DMD: variants seen among roughly 807,000 people sequenced by gnomAD.
The protein encoded by DMD is mutant dystrophin.
DMD carries 63 observed loss-of-function variants against 330.1 expected under a neutral mutation model. The ratio of observed to expected loss-of-function variants is 0.19; its 90% CI spans 0.16 to 0.24. The LOEUF is 0.24. Ranked by LOEUF, DMD falls within the 10% of genes least tolerant of loss-of-function variation. DMD has a pLI of 1.00. For missense variants in DMD, 3,344 were observed against 2,684.1 expected, an observed-to-expected ratio of 1.25 and a Z score of -5.43; for synonymous variants, 1,223 against 959.8, an observed-to-expected ratio of 1.27 and a Z score of -5.07.
intron 9 of DMD, among the ~76,000 whole-genome samples, chrX:32,673,478 T>A (rs2061762415): frequency 8.9e-6 from 1 of 111,779 alleles, no homozygotes; most frequent in African/African-American, 3.2e-5. Flanking sequence ...AAGCCCTCTC[T>A]GCCTGTGGCT....
intron 2 of DMD, among the ~76,000 whole-genome samples, chrX:32,855,457 T>C (rs1374331466): frequency 8.9e-6 from 1 of 112,009 alleles, no homozygotes; most frequent in Admixed American, 9.4e-5. Flanking sequence ...GCTAATGGCA[T>C]AAAAACAGAC....
At chrX:31,393,434 G>A (rs1223548553) in intron 60 of DMD, among the ~76,000 whole-genome samples, 17 of 96,625 alleles carry the variant, frequency 1.8e-4, no homozygotes, top group African/African-American at 6.5e-4. Flanking sequence ...CCGAGATTGC[G>A]CCACTGCACT....
chrX:32,538,480 C>A (rs193225573), intron 17 of DMD, among the ~76,000 whole-genome samples: 124 of 110,669 alleles, frequency 1.1e-3, no homozygotes, highest in African/African-American at 3.9e-3. Flanking sequence ...ACCCCTATCT[C>A]CCTTCCGTGA....
At chrX:32,479,804 T>G (rs1207712745) in intron 21 of DMD, among the ~76,000 whole-genome samples, 2 of 110,442 alleles carry the variant, frequency 1.8e-5, no homozygotes, top group Non-Finnish European at 3.8e-5. Flanking sequence ...ATTTTCTTTA[T>G]CCATTCGTCC....
chrX:33,052,394 T>A (rs2094467675), intron 1 of DMD, among the ~76,000 whole-genome samples: 1 of 112,172 alleles, frequency 8.9e-6, no homozygotes, highest in Non-Finnish European at 1.9e-5. Flanking sequence ...GAATTAGCTA[T>A]TGATGCCAAG....
At chrX:31,869,659 C>A (rs966461168) in intron 48 of DMD, among the ~76,000 whole-genome samples, 1 of 108,952 alleles carries the variant, frequency 9.2e-6, no homozygotes, top group Non-Finnish European at 1.9e-5. Flanking sequence ...CCCACAATAT[C>A]TAAAGAAGCC....
intron 4 of DMD, among the ~76,000 whole-genome samples, 184 bp from the exon 5 acceptor site, chrX:32,823,571 C>T (rs1452339173): frequency 2.7e-5 from 3 of 111,697 alleles, no homozygotes; most frequent in Non-Finnish European, 5.7e-5. Flanking sequence ...CCATAACAAA[C>T]AAGCACCCCA....
At chrX:31,938,789 C>T (rs1376583138) in intron 45 of DMD, among the ~76,000 whole-genome samples, 1 of 112,120 alleles carries the variant, frequency 8.9e-6, no homozygotes, top group African/African-American at 3.2e-5. Context: ...TGAGCTACAC[C>T]ATGTAACCAC....
intron 1 of DMD, among the ~76,000 whole-genome samples, chrX:33,118,046 A>G (rs1481155712): frequency 9.0e-6 from 1 of 110,606 alleles, no homozygotes; most frequent in Non-Finnish European, 1.9e-5. Flanking sequence ...GCCAGAAGCT[A>G]TCTAATTTAC....
At chrX:31,767,066 G>A (rs2069847838) in intron 51 of DMD, among the ~76,000 whole-genome samples, 1 of 111,521 alleles carries the variant, frequency 9.0e-6, no homozygotes, top group African/African-American at 3.3e-5. Context: ...ATATAAATAT[G>A]GATCAGTCAT....
intron 54 of DMD, among the ~76,000 whole-genome samples, chrX:31,655,359 A>G (rs5927028): frequency 0.34 from 37,629 of 109,776 alleles, 4,922 homozygotes; most frequent in East Asian, 0.46. Context: ...CAGAGATGGA[A>G]GGGAATTTGC....
rs755061434 is a variant in DMD at position 31,478,140 on chromosome X, A to G, written c.8903T>C (p.Ile2968Thr). Residue 2968 changes from isoleucine to threonine, a missense_variant, in exon 59 of 79, where the codon ATT becomes ACT. Coordinates refer to ENST00000357033, the MANE Select transcript of DMD (RefSeq NM_004006.3). ...GSWQPVGDLL[I>T]DSLQDHLEKV... ...CTCGAGGTGATCTTGGAGAGAGTCAATGAGGAGATCGCCCACGGGCTGCCA... is the reference window on the plus strand; with the variant it reads ...CTCGAGGTGATCTTGGAGAGAGTCAGTGAGGAGATCGCCCACGGGCTGCCA... The G allele has an allele frequency of 4.1e-6, 5 of 1,210,907 alleles. No homozygotes were observed. The highest frequency in any genetic ancestry group is 5.6e-6 in the Non-Finnish European group (5 of 895,157).
At chrX:33,154,931 T>A (rs1173559703) in intron 1 of DMD, among the ~76,000 whole-genome samples, 5 of 112,260 alleles carry the variant, frequency 4.5e-5, no homozygotes, top group Non-Finnish European at 7.5e-5. Context: ...TTTAGTGATT[T>A]AATTACATTT....
chrX:32,800,823 G>C (rs1360830491), intron 7 of DMD, among the ~76,000 whole-genome samples: 1 of 110,867 alleles, frequency 9.0e-6, no homozygotes, highest in Non-Finnish European at 1.9e-5. Context: ...TCCTATGTTA[G>C]TTTGCTGAGA....
chrX:31,220,351 C>CTGTGACTTCACCA (rs1388257069), intron 64 of DMD, among the ~76,000 whole-genome samples: 2 of 111,526 alleles, frequency 1.8e-5, no homozygotes, highest in Non-Finnish European at 3.8e-5. Flanking sequence ...ACTCACCACA[C>CTGTGACTTCACCA]CACTTCCACT....
At chrX:32,542,268 A>T (rs895530450) in intron 17 of DMD, among the ~76,000 whole-genome samples, 17 of 110,905 alleles carry the variant, frequency 1.5e-4, no homozygotes, top group South Asian at 3.9e-4. Flanking sequence ...GTCTCTACTA[A>T]AAAATACAAA....
In DMD at chrX:31,899,939, G is replaced by T. The variant is rs910805545; in HGVS notation, c.6913-24566C>A. ...CTATTAGTAGTAAGAAAATGAGACT[G>T]CTTCTCTTTTTAACATTTTGTTCTC... On this transcript the variant is annotated intron_variant, in intron 47 of 78. Transcript: ENST00000357033. 2.7e-5 allele frequency among the ~76,000 whole-genome samples: 3 copies of T among 111,302 alleles called. No individual in the cohort carries two copies. The South Asian group carries it at 1.1e-3, about 42-fold the overall frequency.
intron 44 of DMD, among the ~76,000 whole-genome samples, chrX:32,182,604 T>C (rs995073311): frequency 9.0e-6 from 1 of 111,731 alleles, no homozygotes; most frequent in African/African-American, 3.2e-5. Flanking sequence ...TATATATGTG[T>C]GTGCGTGTTT....
At chrX:32,320,327 G>A (rs1439138545) in intron 41 of DMD, among the ~76,000 whole-genome samples, 1 of 111,589 alleles carries the variant, frequency 9.0e-6, no homozygotes, top group South Asian at 3.7e-4. Flanking sequence ...TTAGAAATGC[G>A]AGTGATAGTA....
Sources: gnomAD v4.1 joint callset for allele counts (sites outside exome capture counted in the v4.1 genomes callset) on GRCh38, gnomAD v4.1.1 for gene constraint, MANE v1.5 for transcripts, NCBI Gene and HGNC (gene_info 2026-07-23, HGNC 2026-07-21) for gene names.